Variants in SNX29 observed in about 807,000 individuals in gnomAD.
SNX29 encodes sorting nexin 29.
A neutral mutation model predicts 102.1 loss-of-function variants in SNX29; 78 were observed. The ratio of observed to expected loss-of-function variants is 0.76; its 90% CI spans 0.64 to 0.92. The LOEUF (loss-of-function observed/expected upper bound fraction) is 0.92. Among genes scored for constraint, SNX29 ranks in the 40% least tolerant of loss-of-function variants. The pLI, the probability that SNX29 is intolerant of heterozygous loss-of-function variation, is 0.00. For missense variants in SNX29, 1,280 were observed against 1,061.7 expected (o/e 1.21, Z -2.86); for synonymous variants, 580 against 414.5 (o/e 1.40, Z -4.85).
chr16:12,133,934 G>C (rs1254451396), intron 13 of SNX29, among the ~76,000 whole-genome samples: 2 of 152,194 alleles, frequency 1.3e-5, no homozygotes, highest in Admixed American at 6.5e-5. Context: ...CCCAGCATTT[G>C]ATTACACATT....
At chr16:12,025,072 C>A (rs531914673) in intron 3 of SNX29, among the ~76,000 whole-genome samples, 74 of 152,042 alleles carry the variant, frequency 4.9e-4, no homozygotes, top group Middle Eastern at 3.4e-3. Context: ...GAGGCCAAGG[C>A]GGGCAGATCA....
At chr16:12,392,382 C>G (rs932521203) in intron 16 of SNX29, among the ~76,000 whole-genome samples, 6 of 152,174 alleles carry the variant, frequency 3.9e-5, no homozygotes, top group African/African-American at 1.4e-4. Flanking sequence ...GATGTCCATT[C>G]TTAGTGAAGT....
At position 12,196,622 on chromosome 16, in the gene SNX29, CTTTTTTT is replaced by C. The variant is rs34779383; in HGVS notation, c.1596-2969_1596-2963del. Among the ~76,000 whole-genome samples, 431 of 129,662 alleles carry C rather than the reference CTTTTTTT, an allele frequency of 3.3e-3. 1 individual carries two copies. The highest frequency in any genetic ancestry group is 5.3e-3 in the Non-Finnish European group (334 of 62,654). 85.1% of individuals were successfully genotyped at this position (129,662 alleles called of 152,430 possible). A position where few individuals can be genotyped will look rare whatever the true frequency, so the allele number is the denominator to read the frequency against. ...TTTTTACTTTTCTTTTTTCTTTTTTCTTTTTTTTTTTTTTTTGGAGACGGAGTCTCAC... is the reference window on the plus strand; with the variant it reads ...TTTTTACTTTTCTTTTTTCTTTTTTCTTTTTTTTTGGAGACGGAGTCTCAC... On this transcript the variant is annotated intron_variant, in intron 13 of 20. Coordinates refer to ENST00000566228, the MANE Select transcript of SNX29 (RefSeq NM_032167.5).
chr16:12,425,885 G>C (rs549692832), intron 18 of SNX29, among the ~76,000 whole-genome samples: 1 of 152,038 alleles, frequency 6.6e-6, no homozygotes, highest in African/African-American at 2.4e-5. Context: ...CATTTCTGCT[G>C]TACCCACAAA....
At chr16:12,540,761 C>T (rs931458537) in intron 20 of SNX29, among the ~76,000 whole-genome samples, 22 of 152,328 alleles carry the variant, frequency 1.4e-4, no homozygotes, top group African/African-American at 4.6e-4. Flanking sequence ...ATCTTACCGC[C>T]ACCTCCCCTA....
rs764142717 is a variant in SNX29 at position 12,129,630 on chromosome 16, A to G, written c.1467A>G (p.Arg489=). Residue 489 remains arginine (R), a splice_region_variant and synonymous_variant, in exon 13 of 21, where the codon AGA becomes AGG. Coordinates refer to ENST00000566228, the MANE Select transcript of SNX29 (RefSeq NM_032167.5). ...AACAGATGGGTCCCTCTCTTCCCAG[A>G]TCACTGCGAAACCTGCTCGACGGTG... ...NRKDELEEEN[R]SLRNLLDGEM... is the part of the protein sequence containing the mutation. The G allele has an allele frequency of 6.2e-7, 1 of 1,609,066 alleles. No homozygotes were observed. Among genetic ancestry groups the G allele is most frequent in the Non-Finnish European group, 8.5e-7 (1 of 1,178,162 alleles).
chr16:12,463,863 C>T (rs2086930207), intron 18 of SNX29, among the ~76,000 whole-genome samples: 1 of 127,934 alleles, frequency 7.8e-6, no homozygotes, highest in Non-Finnish European at 1.7e-5. Flanking sequence ...TGAGAGATGA[C>T]ACTTAAAGTT....
chr16:12,409,333 T>G (rs1362116781), intron 18 of SNX29, among the ~76,000 whole-genome samples: 1 of 152,236 alleles, frequency 6.6e-6, no homozygotes, highest in Non-Finnish European at 1.5e-5. Flanking sequence ...TTAAATTTGT[T>G]GTTAATTAAT....
chr16:12,011,994 A>G (rs925945230), intron 3 of SNX29, among the ~76,000 whole-genome samples: 1 of 152,166 alleles, frequency 6.6e-6, no homozygotes, highest in African/African-American at 2.4e-5. Context: ...TTTGACAATT[A>G]CTAGTAACTG....
chr16:12,148,817 C>T (rs868020115), intron 13 of SNX29, among the ~76,000 whole-genome samples: 3 of 152,294 alleles, frequency 2.0e-5, no homozygotes, highest in African/African-American at 7.2e-5. Context: ...GCTGCCTCAA[C>T]CTCCTGAGTA....
intron 16 of SNX29, among the ~76,000 whole-genome samples, chr16:12,357,931 T>C (rs544942923): frequency 1.3e-5 from 2 of 152,346 alleles, no homozygotes; most frequent in South Asian, 4.1e-4. Context: ...TTCCTGTATT[T>C]CCTTAAATTA....
intron 18 of SNX29, 87 bp from the exon 19 acceptor site, chr16:12,477,632 T>C: frequency 8.6e-6 from 13 of 1,504,176 alleles, no homozygotes; most frequent in Non-Finnish European, 1.2e-5. Flanking sequence ...CTTGCTGCAG[T>C]TGGTTTTCAT....
intron 11 of SNX29, among the ~76,000 whole-genome samples, chr16:12,124,663 G>T (rs2054127645): frequency 6.6e-6 from 1 of 152,180 alleles, no homozygotes; most frequent in African/African-American, 2.4e-5. Flanking sequence ...TTGAAATCTG[G>T]TGTCTTACTT....
intron 19 of SNX29, among the ~76,000 whole-genome samples, chr16:12,496,946 G>C (rs1198160676): frequency 2.6e-5 from 4 of 152,228 alleles, no homozygotes; most frequent in African/African-American, 9.6e-5. Context: ...GCATGCACTC[G>C]ATTCTTGATG....
At chr16:12,337,224 C>G (rs936264528) in intron 15 of SNX29, among the ~76,000 whole-genome samples, 2 of 152,138 alleles carry the variant, frequency 1.3e-5, no homozygotes, top group Non-Finnish European at 2.9e-5. Flanking sequence ...TTATGTCACA[C>G]TGTCTCCACA....
chr16:12,025,179 GT>G (rs913206403), intron 3 of SNX29, among the ~76,000 whole-genome samples: 1 of 151,778 alleles, frequency 6.6e-6, no homozygotes, highest in African/African-American at 2.4e-5. Flanking sequence ...GCAGGCGCCT[GT>G]ATTCCCAGCT....
chr16:12,149,361 G>A (rs2055201264), intron 13 of SNX29, among the ~76,000 whole-genome samples: 1 of 152,238 alleles, frequency 6.6e-6, no homozygotes, highest in South Asian at 2.1e-4. Flanking sequence ...TGAGAAATGT[G>A]ATTTCTGTTT....
rs1306961280 is a variant in SNX29, at chr16:12,572,286, T to A, written c.*3657T>A. On this transcript the variant is annotated 3_prime_UTR_variant, in exon 21 of 21. Coordinates refer to ENST00000566228, the MANE Select transcript of SNX29 (RefSeq NM_032167.5). ...TGTAGCTGATGCAACTAACAAGTAC[T>A]GGGGCCAGTGATCACAATCCAGGTT... The A allele has an allele frequency of 9.7e-7, 1 of 1,033,414 alleles. No individual in the cohort carries two copies. Among genetic ancestry groups the A allele is most frequent in the Non-Finnish European group, 1.2e-6 (1 of 868,808 alleles). 64.0% of individuals were successfully genotyped at this position (1,033,414 alleles called of 1,614,324 possible). A position where few individuals can be genotyped will look rare whatever the true frequency, so the allele number is the denominator to read the frequency against.
chr16:12,444,048 G>A (rs755970856), intron 18 of SNX29, among the ~76,000 whole-genome samples: 11 of 151,834 alleles, frequency 7.2e-5, no homozygotes, highest in South Asian at 2.1e-4. Flanking sequence ...CACCTAGCAC[G>A]TAGTAAGCAC....
Sources: allele counts gnomAD v4.1 joint callset (sites outside exome capture counted in the v4.1 genomes callset), GRCh38; gene constraint gnomAD v4.1.1; transcripts MANE v1.5; gene names NCBI Gene and HGNC (gene_info 2026-07-23, HGNC 2026-07-21).